Variants in ZNF623 observed in about 807,000 individuals in gnomAD.
ZNF623 encodes zinc finger protein 623.
ZNF623 carries 16 observed loss-of-function variants against 24.0 expected under a neutral mutation model. The ratio of observed to expected loss-of-function variants is 0.67; its 90% CI spans 0.45 to 1.01. The LOEUF is 1.01. ZNF623 is among the 50% of genes least tolerant of loss of function. ZNF623 has a pLI of 0.00. For missense variants in ZNF623, 566 were observed against 606.5 expected (o/e 0.93, Z 0.70); for synonymous variants, 224 against 219.8 (o/e 1.02, Z -0.17).
intron 1 of ZNF623, among the ~76,000 whole-genome samples, chr8:143,641,127 T>A: frequency 6.6e-6 from 1 of 152,298 alleles, no homozygotes; most frequent in Non-Finnish European, 1.5e-5. Flanking sequence ...TCATGAGGGC[T>A]GGAATCAGGT....
Position 143,653,588 on chromosome 8 carries a change from C to T in ZNF623, c.*2105C>T, listed in dbSNP as rs1815388510. 2 of 167,114 alleles carry T rather than the reference C, an allele frequency of 1.2e-5. No individual in the cohort carries two copies. The highest frequency in any genetic ancestry group is 4.8e-5 in the African/African-American group (2 of 41,452). 10.4% of individuals were successfully genotyped at this position (167,114 alleles called of 1,614,324 possible). A position where few individuals can be genotyped will look rare whatever the true frequency, so the allele number is the denominator to read the frequency against. On this transcript the variant is annotated 3_prime_UTR_variant, in exon 2 of 2. Transcript: ENST00000526926. Reference sequence around the variant, plus strand: ...TCCCTTTTGCCTTTTCCTAGTTAAGCCCACTCCAGCCCCAGATAACCACTT... The same window carrying T: ...TCCCTTTTGCCTTTTCCTAGTTAAGTCCACTCCAGCCCCAGATAACCACTT...
intron 1 of ZNF623, among the ~76,000 whole-genome samples, chr8:143,641,329 C>T (rs532926328): frequency 5.5e-4 from 84 of 152,300 alleles, no homozygotes; most frequent in African/African-American, 1.9e-3. Context: ...GTTGGAGTGA[C>T]TCCCAGCCAG....
In ZNF623 at chr8:143,652,773, A is replaced by T. The variant is rs996995859; in HGVS notation, c.*1290A>T. 3 of 167,126 alleles carry T rather than the reference A, an allele frequency of 1.8e-5. No individual in the cohort carries two copies. The Admixed American group carries it at 2.0e-4, about 11-fold the overall frequency. The allele number at this position is 167,126 out of a possible 1,614,324, so 10.4% of individuals were successfully genotyped here. A position where few individuals can be genotyped will look rare whatever the true frequency, so the allele number is the denominator to read the frequency against. On this transcript the variant is annotated 3_prime_UTR_variant, in exon 2 of 2. Transcript: ENST00000526926. The stretch of plus-strand genomic sequence containing the variant: ...CGCTACGTAACTCTTCTGTTGTAGC[A>T]GTTCTGAGGTTGAACTGAGCTCTTG...
rs1487425418 is a variant in ZNF623, at chr8:143,652,635, T to C, written c.*1152T>C. On this transcript the variant is annotated 3_prime_UTR_variant, in exon 2 of 2. Transcript: ENST00000526926. Reference sequence around the variant, plus strand: ...AACTGTCTACTTGATCTGGAGGGCATTGACACCTGGCTCAGCTGGAACAGT... The same window carrying C: ...AACTGTCTACTTGATCTGGAGGGCACTGACACCTGGCTCAGCTGGAACAGT... The C allele has an allele frequency of 1.8e-5, 3 of 167,112 alleles. No individual in the cohort carries two copies. The highest frequency in any genetic ancestry group is 4.4e-5 in the Non-Finnish European group (3 of 68,152). 10.4% of individuals were successfully genotyped at this position (167,112 alleles called of 1,614,324 possible).
rs919899727 is a variant in ZNF623 at position 143,653,719 on chromosome 8, C to G, written c.*2236C>G. ...TGTCTCACTTTGGCATGTTTTTAGA[C>G]TCATCCAAGCTGTTTTGTGTTTCAG... On this transcript the variant is annotated 3_prime_UTR_variant, in exon 2 of 2. Transcript: ENST00000526926. 6 of 167,080 alleles carry G rather than the reference C, an allele frequency of 3.6e-5. No individual in the cohort carries two copies. The East Asian group carries it at 1.2e-3, about 32-fold the overall frequency. The allele number at this position is 167,080 out of a possible 1,614,324, so 10.3% of individuals were successfully genotyped here.
chr8:143,648,316 T>C (rs1404688761), intron 1 of ZNF623, among the ~76,000 whole-genome samples: 3 of 152,100 alleles, frequency 2.0e-5, no homozygotes, highest in Non-Finnish European at 4.4e-5. Flanking sequence ...GAGTGACTTC[T>C]GAAGGAGCGG....
At chr8:143,637,965 G>T (rs1420648946) in intron 1 of ZNF623, among the ~76,000 whole-genome samples, 1 of 152,116 alleles carries the variant, frequency 6.6e-6, no homozygotes, top group Admixed American at 6.5e-5. Flanking sequence ...TTTCATGTCA[G>T]TTTCTTTAAA....
chr8:143,636,627 C>T (rs1027704125), intron 1 of ZNF623, among the ~76,000 whole-genome samples: 15 of 152,070 alleles, frequency 9.9e-5, no homozygotes, highest in African/African-American at 7.2e-5. Context: ...CGAGGCCTCT[C>T]GGTGCTGGAG....
chr8:143,645,631 C>T (rs1039751954), intron 1 of ZNF623, among the ~76,000 whole-genome samples: 5 of 151,520 alleles, frequency 3.3e-5, no homozygotes, highest in African/African-American at 1.2e-4. Context: ...TGATTCCTGG[C>T]TGGGAGCACC....
Position 143,650,568 on chromosome 8 carries a change from G to A in ZNF623, c.576G>A (p.Glu192=). 6.2e-7 allele frequency: 1 copy of A among 1,614,224 alleles called. No homozygotes were observed. Among genetic ancestry groups the A allele is most frequent in the East Asian group, 2.2e-5 (1 of 44,892 alleles). Residue 192 remains glutamate (E), a synonymous_variant, in exon 2 of 2, where the codon GAG becomes GAA. Transcript: ENST00000526926. This position sits in a 1 kb window ranked among gnomAD's most constrained non-coding sequence, Gnocchi z 5.2. ...LIRHQRVHTR[E]RPFECKECGK... is the part of the protein sequence containing the mutation. ...GGCACCAGAGAGTTCACACCAGAGA[G>A]AGACCTTTTGAATGCAAAGAGTGTG...
At chr8:143,647,413 CT>C in intron 1 of ZNF623, among the ~76,000 whole-genome samples, 1 of 152,344 alleles carries the variant, frequency 6.6e-6, no homozygotes, top group Non-Finnish European at 1.5e-5. Flanking sequence ...CCGCCCGCCT[CT>C]GCCTCCCAAA....
At chr8:143,638,377 A>T (rs1417581860) in intron 1 of ZNF623, among the ~76,000 whole-genome samples, 1 of 151,648 alleles carries the variant, frequency 6.6e-6, no homozygotes, top group African/African-American at 2.4e-5. Flanking sequence ...AGTTAAAAAA[A>T]TTATGAAAAT....
chr8:143,648,264 G>T (rs74673616), intron 1 of ZNF623, among the ~76,000 whole-genome samples: 1 of 152,176 alleles, frequency 6.6e-6, no homozygotes, highest in Admixed American at 6.5e-5. Context: ...TCAGTGAGGC[G>T]GGTAGGGAAC....
chr8:143,639,988 C>G lies in ZNF623; in HGVS notation c.-96+3843C>G, dbSNP rs185378562. 9.2e-5 allele frequency among the ~76,000 whole-genome samples: 14 copies of G among 152,242 alleles called. No homozygotes were observed. In the East Asian group the frequency reaches 2.7e-3, roughly 29 times the overall value. ...AGTCATTAGTAATTTGATGGGGTTT[C>G]TAACACTTAAAGGAAGAAGGAAACA... On this transcript the variant is annotated intron_variant, in intron 1 of 1. Coordinates refer to ENST00000526926, the MANE Select transcript of ZNF623 (RefSeq NM_001261843.2).
intron 1 of ZNF623, among the ~76,000 whole-genome samples, chr8:143,644,974 C>A (rs976409742): frequency 6.7e-6 from 1 of 150,266 alleles, no homozygotes; most frequent in East Asian, 2.0e-4. Flanking sequence ...ACTAAAAATA[C>A]AAAATTAGCT....
intron 1 of ZNF623, among the ~76,000 whole-genome samples, chr8:143,641,078 A>G (rs1815040391): frequency 6.6e-6 from 1 of 151,652 alleles, no homozygotes; most frequent in South Asian, 2.1e-4. Context: ...CCACATCTAT[A>G]GTTGCTTCCT....
Position 143,650,958 on chromosome 8 carries a change from C to T in ZNF623, c.966C>T (p.Phe322=). Residue 322 remains phenylalanine (F), a synonymous_variant, in exon 2 of 2, where the codon TTC becomes TTT. Coordinates refer to ENST00000526926, the MANE Select transcript of ZNF623 (RefSeq NM_001261843.2). This position sits in a 1 kb window ranked among gnomAD's most constrained non-coding sequence, Gnocchi z 5.2. ...CGKRFSQTSN[F]TQHQRIHTGE... is the part of the protein sequence containing the mutation. The stretch of plus-strand genomic sequence containing the variant: ...AGCGCTTCAGCCAGACGTCAAACTT[C>T]ACCCAGCATCAGAGAATTCACACTG... 2 of 1,613,822 alleles carry T rather than the reference C, an allele frequency of 1.2e-6. No homozygotes were observed. Among genetic ancestry groups the T allele is most frequent in the Non-Finnish European group, 1.7e-6 (2 of 1,179,942 alleles).
chr8:143,643,299 G>T (rs896936), intron 1 of ZNF623, among the ~76,000 whole-genome samples: 157 of 152,368 alleles, frequency 1.0e-3, no homozygotes, highest in African/African-American at 3.7e-3. Flanking sequence ...TACAGTTGCA[G>T]CTTTGCGTGA....
In ZNF623 at chr8:143,649,904, A is replaced by T; in HGVS notation, c.-89A>T. ...TTGTTGTCTTTTGTTTCAGATTCTA[A>T]TGTAGGAACTGGTGAGAAGAAGGTG... is the stretch of plus-strand genomic sequence containing the variant. On this transcript the variant is annotated 5_prime_UTR_variant, in exon 2 of 2. An upstream start codon of the reference 5' UTR is lost. Transcript: ENST00000526926. 6.2e-7 allele frequency: 1 copy of T among 1,606,900 alleles called. No homozygotes were observed.
Sources: allele counts gnomAD v4.1 joint callset (sites outside exome capture counted in the v4.1 genomes callset), GRCh38; gene constraint gnomAD v4.1.1; non-coding constraint Gnocchi (gnomAD v3.1); transcripts MANE v1.5; gene names NCBI Gene and HGNC (gene_info 2026-07-23, HGNC 2026-07-21).